The following RNF150 variants were observed in gnomAD, a reference collection of about 807,000 sequenced individuals.
RNF150 encodes the protein ring finger protein 150.
A neutral mutation model predicts 39.3 loss-of-function variants in RNF150; 24 were observed. The observed-to-expected ratio is 0.61, with a 90% confidence interval of 0.44 to 0.86. RNF150 has a LOEUF of 0.86. Ranked by LOEUF, RNF150 falls within the 40% of genes least tolerant of loss-of-function variation. The probability of loss-of-function intolerance (pLI) is 0.00; values close to 1 mark genes in which losing one functional copy is unlikely to be tolerated. For synonymous variants in RNF150, 255 were observed against 227.3 expected (o/e 1.12, Z -1.10); for missense variants, 502 against 587.8 (o/e 0.85, Z 1.51).
chr4:141,022,384 A>C (rs1735530249), intron 1 of RNF150, among the ~76,000 whole-genome samples: 1 of 152,116 alleles, frequency 6.6e-6, no homozygotes, highest in African/African-American at 2.4e-5. Context: ...GAATGTATAG[A>C]GTGACAAAGG....
chr4:141,064,761 G>T (rs921910189), intron 1 of RNF150, among the ~76,000 whole-genome samples: 3 of 152,140 alleles, frequency 2.0e-5, no homozygotes, highest in African/African-American at 7.2e-5. Context: ...GAAGGGAGAG[G>T]TAGTACCCCT....
At chr4:141,192,603 C>T (rs1375963033) in intron 1 of RNF150, among the ~76,000 whole-genome samples, 1 of 151,990 alleles carries the variant, frequency 6.6e-6, no homozygotes, top group Non-Finnish European at 1.5e-5. Flanking sequence ...TGGATGTTGG[C>T]CAAAGCATAG....
chr4:140,984,522 A>T lies in RNF150; in HGVS notation c.485-16649T>A, dbSNP rs113323481. Among the ~76,000 whole-genome samples, 609 of 152,262 alleles carry T rather than the reference A, an allele frequency of 4.0e-3. 4 individuals are homozygous for T. The highest frequency in any genetic ancestry group is 0.014 in the African/African-American group (569 of 41,558). The stretch of plus-strand genomic sequence containing the variant: ...ACTGAGTTTGTATTCTGAAAAAGCT[A>T]CAAAGGTCTGAAACATACCTTCCTG... On this transcript the variant is annotated intron_variant, in intron 1 of 6. Transcript: ENST00000515673.
At chr4:141,154,037 TATCTC>T (rs1448368693) in intron 1 of RNF150, among the ~76,000 whole-genome samples, 1 of 152,244 alleles carries the variant, frequency 6.6e-6, no homozygotes, top group Non-Finnish European at 1.5e-5. Context: ...TCATTATACT[TATCTC>T]ATCAGTTTGC....
chr4:141,191,850 G>T (rs895352094), intron 1 of RNF150, among the ~76,000 whole-genome samples: 4 of 152,150 alleles, frequency 2.6e-5, no homozygotes, highest in Non-Finnish European at 5.9e-5. Flanking sequence ...TGCTCCTGAT[G>T]CCTAACACCA....
At chr4:140,958,234 C>G (rs903044409) in intron 2 of RNF150, among the ~76,000 whole-genome samples, 3 of 151,922 alleles carry the variant, frequency 2.0e-5, no homozygotes, top group Non-Finnish European at 4.4e-5. Context: ...TTTTGGTATC[C>G]ATGGGTAGGA....
At chr4:141,109,229 C>T (rs769453248) in intron 1 of RNF150, among the ~76,000 whole-genome samples, 4 of 152,078 alleles carry the variant, frequency 2.6e-5, no homozygotes, top group South Asian at 2.1e-4. Context: ...ATTGCACCAA[C>T]ATTTTGTATG....
At chr4:140,970,969 A>G (rs953957779) in intron 1 of RNF150, among the ~76,000 whole-genome samples, 2 of 152,142 alleles carry the variant, frequency 1.3e-5, no homozygotes, top group South Asian at 2.1e-4. Context: ...AGGGATATGT[A>G]TTTATCCTAA....
chr4:141,067,543 T>C (rs1737509211), intron 1 of RNF150, among the ~76,000 whole-genome samples: 1 of 152,200 alleles, frequency 6.6e-6, no homozygotes, highest in Admixed American at 6.5e-5. Flanking sequence ...ATTTAGTGTC[T>C]GTCTTATATG....
intron 6 of RNF150, among the ~76,000 whole-genome samples, chr4:140,910,298 C>T (rs7698736): frequency 0.45 from 68,062 of 151,954 alleles, 16,074 homozygotes; most frequent in East Asian, 0.72. Context: ...AAAGACACTT[C>T]GTATAAAAGT....
chr4:140,951,328 A>G (rs967039733), intron 2 of RNF150, among the ~76,000 whole-genome samples: 5 of 152,152 alleles, frequency 3.3e-5, no homozygotes, highest in Admixed American at 1.3e-4. Context: ...GCTGCCTTCA[A>G]TAATAGGCAG....
chr4:141,000,096 A>AAGG (rs1491540835), intron 1 of RNF150, among the ~76,000 whole-genome samples: 2 of 132,276 alleles, frequency 1.5e-5, no homozygotes, highest in African/African-American at 2.7e-5. Context: ...GGAGAAGAAG[A>AAGG]AGAAGAAGAA....
chr4:141,168,908 C>T (rs963051896), intron 1 of RNF150, among the ~76,000 whole-genome samples: 6 of 152,142 alleles, frequency 3.9e-5, no homozygotes, highest in Non-Finnish European at 7.4e-5. Context: ...CAAACATGAA[C>T]GTTCTGCACA....
chr4:141,181,876 G>A (rs571401671), intron 1 of RNF150, among the ~76,000 whole-genome samples: 3 of 152,146 alleles, frequency 2.0e-5, no homozygotes, highest in Non-Finnish European at 4.4e-5. Context: ...TCAACAATGG[G>A]AAGTAATTGG....
intron 1 of RNF150, among the ~76,000 whole-genome samples, chr4:140,985,026 T>C (rs1033456944): frequency 2.0e-5 from 3 of 152,138 alleles, no homozygotes; most frequent in South Asian, 2.1e-4. Context: ...GTCCTGCTTA[T>C]AAATAAACCC....
intron 1 of RNF150, among the ~76,000 whole-genome samples, chr4:141,044,679 T>C (rs1295379181): frequency 2.0e-5 from 3 of 152,082 alleles, no homozygotes; most frequent in Non-Finnish European, 4.4e-5. Flanking sequence ...AGAAGCCAGG[T>C]ACCCCCTCAA....
At chr4:141,013,710 T>C (rs1735158572) in intron 1 of RNF150, among the ~76,000 whole-genome samples, 1 of 152,232 alleles carries the variant, frequency 6.6e-6, no homozygotes, top group Non-Finnish European at 1.5e-5. Context: ...TGATTTTGAT[T>C]GACAAATTAT....
chr4:141,186,649 C>T (rs905302466), intron 1 of RNF150, among the ~76,000 whole-genome samples: 1 of 152,112 alleles, frequency 6.6e-6, no homozygotes, highest in Non-Finnish European at 1.5e-5. Flanking sequence ...TAGTGATCCA[C>T]CTGCCTCAGC....
chr4:141,027,396 T>C (rs961669440), intron 1 of RNF150, among the ~76,000 whole-genome samples: 5 of 152,198 alleles, frequency 3.3e-5, no homozygotes, highest in African/African-American at 7.2e-5. Flanking sequence ...ATATTCACAT[T>C]GTTCAAATTA....
Sources: allele counts gnomAD v4.1 joint callset (sites outside exome capture counted in the v4.1 genomes callset), GRCh38; gene constraint gnomAD v4.1.1; transcripts MANE v1.5; gene names NCBI Gene and HGNC (gene_info 2026-07-23, HGNC 2026-07-21).